Variants in SLC5A9 observed in about 807,000 individuals in gnomAD.
The protein encoded by SLC5A9 is solute carrier family 5 member 9, also known as sodium/glucose cotransporter 4.
Under a neutral mutation model 70.9 loss-of-function variants are expected in SLC5A9, and 59 were observed. That is an observed-to-expected ratio of 0.83 (90% CI 0.68 to 1.03). SLC5A9 has a LOEUF of 1.03. SLC5A9 is among the 50% of genes least tolerant of loss of function. The pLI is 0.00. For synonymous variants in SLC5A9, 340 were observed against 346.5 expected (o/e 0.98, Z 0.21); for missense variants, 832 against 881.1 (o/e 0.94, Z 0.71).
Position 48,225,558 on chromosome 1 carries a change from G to A in SLC5A9, c.234+763G>A, listed in dbSNP as rs115391137. On this transcript the variant is annotated intron_variant, in intron 2 of 13. Coordinates refer to ENST00000438567, the MANE Select transcript of SLC5A9 (RefSeq NM_001011547.3). ...ATTACCAGTAGAGTCATCAGCCCCA[G>A]TGGTAGCTGAAGCAGTATACACACC... Among the ~76,000 whole-genome samples the A allele has an allele frequency of 7.2e-4, 109 of 152,224 alleles. 1 individual carries two copies. The highest frequency in any genetic ancestry group is 2.5e-3 in the African/African-American group (105 of 41,534).
At chr1:48,242,847 A>G (rs991702607) in intron 13 of SLC5A9, among the ~76,000 whole-genome samples, 1 of 152,142 alleles carries the variant, frequency 6.6e-6, no homozygotes, top group South Asian at 2.1e-4. Context: ...GAGTTGGTTT[A>G]TATCTATAGG....
Position 48,232,372 on chromosome 1 carries a change from T to G in SLC5A9, c.903T>G (p.Ile301Met). Residue 301 changes from isoleucine (I) to methionine (M), a missense_variant, in exon 8 of 14, where the codon ATT (isoleucine) becomes ATG (methionine). Ile to Met is a conservative substitution (Grantham distance 10, BLOSUM62 1). Transcript: ENST00000438567. The stretch of plus-strand genomic sequence containing the variant: ...CTCATTTGCTGCCCTTTCAGGTCAT[T>G]GTGCAGCGGTCTCTCTCGGCCAAGA... ...ATWCWCTDQV[I>M]VQRSLSAKSL... 2 of 1,614,102 alleles carry G rather than the reference T, an allele frequency of 1.2e-6. No homozygotes were observed. Among genetic ancestry groups the G allele is most frequent in the Non-Finnish European group, 8.5e-7 (1 of 1,180,000 alleles).
At chr1:48,236,506 G>A (rs1644329592) in intron 10 of SLC5A9, among the ~76,000 whole-genome samples, 1 of 152,198 alleles carries the variant, frequency 6.6e-6, no homozygotes, top group Admixed American at 6.5e-5. Flanking sequence ...ACAGTTTTAT[G>A]CTTTTAAAAG....
At chr1:48,232,611 AG>A (rs1644265894) in intron 8 of SLC5A9, 109 bp downstream of exon 8, 1 of 1,434,568 alleles carries the variant, frequency 7.0e-7, no homozygotes, top group East Asian at 2.3e-5. Context: ...GGGGTTGGCA[AG>A]GTTTGTCTAT....
chr1:48,226,203 C>T (rs988216086), intron 2 of SLC5A9, among the ~76,000 whole-genome samples: 1 of 152,156 alleles, frequency 6.6e-6, no homozygotes, highest in Non-Finnish European at 1.5e-5. Context: ...TGGTTCTTTT[C>T]AGCTAGTGCC....
chr1:48,238,856 A>G (rs1177141964), intron 11 of SLC5A9, among the ~76,000 whole-genome samples: 1 of 152,238 alleles, frequency 6.6e-6, no homozygotes, highest in Non-Finnish European at 1.5e-5. Context: ...CTTAAAAACA[A>G]CAGCAACTAA....
chr1:48,244,382 A>T (rs975497022), intron 13 of SLC5A9, among the ~76,000 whole-genome samples: 1 of 152,104 alleles, frequency 6.6e-6, no homozygotes, highest in African/African-American at 2.4e-5. Context: ...TTTCCTCCAG[A>T]CCTGAGAAGG....
chr1:48,240,052 C>G (rs866453202), intron 12 of SLC5A9, among the ~76,000 whole-genome samples: 7 of 152,162 alleles, frequency 4.6e-5, no homozygotes, highest in African/African-American at 1.7e-4. Context: ...AATTGAAATC[C>G]TCCCCTGTCA....
chr1:48,242,302 C>A, intron 12 of SLC5A9, 155 bp from the exon 13 acceptor site: 1 of 812,564 alleles, frequency 1.2e-6, no homozygotes. Flanking sequence ...AAGAGGAAGT[C>A]AGGGCTGAGA....
At chr1:48,241,953 AT>A in intron 12 of SLC5A9, 1 of 456,056 alleles carries the variant, frequency 2.2e-6, no homozygotes, top group Non-Finnish European at 4.4e-6. Flanking sequence ...GGTGCCCATT[AT>A]TTTTGGCTTC....
rs75060042 is a variant in SLC5A9, at chr1:48,242,007, C to G, written c.1678-450C>G. 4.3e-3 allele frequency: 1,967 copies of G among 456,662 alleles called. 31 individuals are homozygous for G. The highest frequency in any genetic ancestry group is 0.033 in the African/African-American group (1,680 of 50,204). The allele number at this position is 456,662 out of a possible 1,614,324, so 28.3% of individuals were successfully genotyped here. On this transcript the variant is annotated intron_variant, in intron 12 of 13. Transcript: ENST00000438567. ...CAGGCTGGACCCCTTTCAATTCACT[C>G]CAAGAGAACTTTGAAGATCCTGGCA...
In SLC5A9 at chr1:48,227,166, AGTGT is replaced by A. The variant is rs1431137527; in HGVS notation, c.235-1678_235-1675del. Among the ~76,000 whole-genome samples the A allele has an allele frequency of 2.7e-5, 3 of 109,488 alleles. No homozygotes were observed. The East Asian group carries it at 1.4e-3, about 50-fold the overall frequency. 71.8% of individuals were successfully genotyped at this position (109,488 alleles called of 152,430 possible). A position where few individuals can be genotyped will look rare whatever the true frequency, so the allele number is the denominator to read the frequency against. On this transcript the variant is annotated intron_variant, in intron 2 of 13. Transcript: ENST00000438567. The stretch of plus-strand genomic sequence containing the variant: ...GCAAGTGCATGAGTGTGTGTGTCAG[AGTGT>A]GTGTGCGTGTGTGTGTGTACTGTGC...
At chr1:48,243,178 T>C (rs572898389) in intron 13 of SLC5A9, among the ~76,000 whole-genome samples, 2 of 152,108 alleles carry the variant, frequency 1.3e-5, no homozygotes, top group South Asian at 2.1e-4. Context: ...CCCACCACTT[T>C]TCTTTATTAT....
intron 13 of SLC5A9, among the ~76,000 whole-genome samples, chr1:48,244,405 T>C (rs924644016): frequency 6.6e-6 from 1 of 152,138 alleles, no homozygotes; most frequent in Non-Finnish European, 1.5e-5. Flanking sequence ...CCCACCTTTC[T>C]TGAGGCCCTT....
chr1:48,236,199 C>T (rs1394635789), intron 10 of SLC5A9, among the ~76,000 whole-genome samples: 1 of 152,162 alleles, frequency 6.6e-6, no homozygotes, highest in Non-Finnish European at 1.5e-5. Flanking sequence ...AAGCAGCTCA[C>T]CCAAGGTATT....
chr1:48,234,284 G>A lies in SLC5A9; in HGVS notation c.1141+522G>A, dbSNP rs190853540. 1.2e-4 allele frequency among the ~76,000 whole-genome samples: 19 copies of A among 152,284 alleles called. 1 individual carries two copies. The highest frequency in any genetic ancestry group is 3.3e-4 in the Admixed American group (5 of 15,304). ...GAATTGAAAGCAGCCCAGTGTGGAC[G>A]CAAGAGCCAGGAGGAAGGAAGACAA... On this transcript the variant is annotated intron_variant, in intron 9 of 13. Transcript: ENST00000438567.
Position 48,228,543 on chromosome 1 carries a change from G to A in SLC5A9, c.235-307G>A, listed in dbSNP as rs185507549. 819 of 345,380 alleles carry A rather than the reference G, an allele frequency of 2.4e-3. 1 individual carries two copies. The highest frequency in any genetic ancestry group is 3.3e-3 in the Non-Finnish European group (603 of 182,724). The allele number at this position is 345,380 out of a possible 1,614,324, so 21.4% of individuals were successfully genotyped here. A position where few individuals can be genotyped will look rare whatever the true frequency, so the allele number is the denominator to read the frequency against. On this transcript the variant is annotated intron_variant, in intron 2 of 13. Transcript: ENST00000438567. Reference sequence around the variant, plus strand: ...GCCCTCAGACCCATGGCCTCAGGGCGGAGGTCCACACTCCCCACTTCCAGG... The same window carrying A: ...GCCCTCAGACCCATGGCCTCAGGGCAGAGGTCCACACTCCCCACTTCCAGG...
At chr1:48,223,813 T>C (rs1214533142) in intron 1 of SLC5A9, among the ~76,000 whole-genome samples, 1 of 152,180 alleles carries the variant, frequency 6.6e-6, no homozygotes, top group Non-Finnish European at 1.5e-5. Flanking sequence ...CACTGGCTCC[T>C]GGAAGTGGCC....
At position 48,247,340 on chromosome 1, in the gene SLC5A9, A is replaced by G. The variant is rs1644471285; in HGVS notation, c.1843A>G (p.Ser615Gly). ...TTCTGGCTTTGTCCCTCCAGCCCCA[A>G]GCAGGTCCTGGGGAAAGTTGCTCTG... is the stretch of plus-strand genomic sequence containing the variant. Reference protein sequence around the residue: ...SLGQEQPEAPSRSWGKLLWSW... With the variant: ...SLGQEQPEAPGRSWGKLLWSW... The change falls in exon 14 of 14, where the codon AGC (serine) becomes GGC (glycine). Residue 615 changes from serine to glycine, a missense_variant. Transcript: ENST00000438567. 6.2e-7 allele frequency: 1 copy of G among 1,613,628 alleles called. No individual in the cohort carries two copies. Among genetic ancestry groups the G allele is most frequent in the Non-Finnish European group, 8.5e-7 (1 of 1,179,844 alleles).
Sources: gnomAD v4.1 joint callset for allele counts (sites outside exome capture counted in the v4.1 genomes callset) on GRCh38, gnomAD v4.1.1 for gene constraint, MANE v1.5 for transcripts, NCBI Gene and HGNC (gene_info 2026-07-23, HGNC 2026-07-21) for gene names.